The following GPN1 variants were observed in gnomAD, a reference collection of about 807,000 sequenced individuals.
GPN1 encodes the protein GPN-loop GTPase 1.
A neutral mutation model predicts 55.9 loss-of-function variants in GPN1; 44 were observed. The ratio of observed to expected loss-of-function variants is 0.79; its 90% CI spans 0.62 to 1.01. The LOEUF is 1.01. Among genes scored for constraint, GPN1 ranks in the 50% least tolerant of loss-of-function variants. The pLI, the probability that GPN1 is intolerant of heterozygous loss-of-function variation, is 0.00. For missense variants in GPN1, 466 were observed against 462.8 expected, an observed-to-expected ratio of 1.01 and a Z score of -0.06; for synonymous variants, 179 against 162.5, an observed-to-expected ratio of 1.10 and a Z score of -0.77.
intron 5 of GPN1, among the ~76,000 whole-genome samples, 181 bp from the exon 6 acceptor site, chr2:27,634,665 C>A (rs1039362691): frequency 6.6e-6 from 1 of 152,206 alleles, no homozygotes; most frequent in African/African-American, 2.4e-5. Context: ...GAATATTGGT[C>A]ATTGAACAAA....
rs1018001952 is a variant in GPN1 at position 27,647,785 on chromosome 2, C to A, written c.932-51C>A. On this transcript the variant is annotated intron_variant, in intron 12 of 13. Transcript: ENST00000610189. ...TTATGATCATAGTTACTTAGTGATT[C>A]AAGATCACCTTTTTGAGGAGGCATA... The A allele has an allele frequency of 2.1e-5, 22 of 1,063,238 alleles. No homozygotes were observed. In the Admixed American group the frequency reaches 3.0e-4, roughly 14 times the overall value. 65.9% of individuals were successfully genotyped at this position (1,063,238 alleles called of 1,614,324 possible).
At chr2:27,638,320 G>C in intron 8 of GPN1, 65 bp downstream of exon 8, 5 of 895,194 alleles carry the variant, frequency 5.6e-6, no homozygotes, top group Non-Finnish European at 7.5e-6. Context: ...AGAAGGTTTA[G>C]GTGGGTGAGA....
Position 27,649,220 on chromosome 2 carries a change from C to T in GPN1, c.1040-895C>T, listed in dbSNP as rs78231588. ...AGAGCTCACCATTGCACTCAGGCCT[C>T]GGTAACAAGAGTGAAACTTGATCTC... On this transcript the variant is annotated intron_variant, in intron 13 of 13. Transcript: ENST00000610189. Among the ~76,000 whole-genome samples the T allele has an allele frequency of 8.9e-3, 1,349 of 150,804 alleles. 19 individuals are homozygous for T. Among genetic ancestry groups the T allele is most frequent in the African/African-American group, 0.03 (1,240 of 41,196 alleles).
At chr2:27,644,046 C>T (rs1360741044) in intron 12 of GPN1, among the ~76,000 whole-genome samples, 4 of 152,052 alleles carry the variant, frequency 2.6e-5, no homozygotes, top group Non-Finnish European at 5.9e-5. Context: ...TGGGCGTGGT[C>T]GTGCATGTCT....
intron 9 of GPN1, among the ~76,000 whole-genome samples, chr2:27,639,326 A>T (rs1673852720): frequency 6.6e-6 from 1 of 152,204 alleles, no homozygotes; most frequent in Non-Finnish European, 1.5e-5. Context: ...GAGGCGGCAG[A>T]TCAAAATGAC....
chr2:27,647,724 G>A lies in GPN1; in HGVS notation c.932-112G>A, dbSNP rs112502911. On this transcript the variant is annotated intron_variant, in intron 12 of 13. Coordinates refer to ENST00000610189, the MANE Select transcript of GPN1 (RefSeq NM_007266.4). ...ACATTTAGAAGAGGTAAGATCCTGC[G>A]TTTATATGTATCATGAGCACTTTCA... 6.9e-4 allele frequency: 457 copies of A among 659,892 alleles called. 1 individual carries two copies. The highest frequency in any genetic ancestry group is 6.8e-3 in the African/African-American group (382 of 56,012). 40.9% of individuals were successfully genotyped at this position (659,892 alleles called of 1,614,324 possible).
At position 27,634,832 on chromosome 2, in the gene GPN1, C is replaced by G. The variant is rs566231112; in HGVS notation, c.351-14C>G. On this transcript the variant is annotated splice_polypyrimidine_tract_variant and intron_variant, in intron 5 of 13. Coordinates refer to ENST00000610189, the MANE Select transcript of GPN1 (RefSeq NM_007266.4). ...ACAAATGTAACACTTCTTTAATGAT[C>G]TTTCTTGACATAGATATGTGTTGAT... 1 of 1,427,064 alleles carries G rather than the reference C, an allele frequency of 7.0e-7. No individual in the cohort carries two copies. The highest frequency in any genetic ancestry group is 1.4e-5 in the African/African-American group (1 of 71,446). The allele number at this position is 1,427,064 out of a possible 1,614,324, so 88.4% of individuals were successfully genotyped here. A position where few individuals can be genotyped will look rare whatever the true frequency, so the allele number is the denominator to read the frequency against.
intron 8 of GPN1, 48 bp downstream of exon 8, chr2:27,638,303 TGTGG>T: frequency 9.2e-7 from 1 of 1,091,494 alleles, no homozygotes; most frequent in Non-Finnish European, 1.4e-6. Flanking sequence ...ATCAGAACCT[TGTGG>T]TTAGAAGGTT....
At chr2:27,642,958 T>TATACACACACAC (rs10643705) in intron 12 of GPN1, among the ~76,000 whole-genome samples, 2,127 of 122,604 alleles carry the variant, frequency 0.017, 37 homozygotes, top group East Asian at 0.065. Flanking sequence ...TATATATATA[T>TATACACACACAC]ACACACACAC....
intron 1 of GPN1, 66 bp downstream of exon 1, chr2:27,629,235 G>A: frequency 6.8e-7 from 1 of 1,479,666 alleles, no homozygotes; most frequent in Non-Finnish European, 9.2e-7. Context: ...CGGAAGGCCA[G>A]GAAGAAAGGG....
chr2:27,631,669 G>C, intron 3 of GPN1, 165 bp from the exon 4 acceptor site: 1 of 623,796 alleles, frequency 1.6e-6, no homozygotes, highest in Non-Finnish European at 2.9e-6. Flanking sequence ...CCTTGATAAT[G>C]ACTGTTTCCC....
chr2:27,644,087 GTC>G (rs1187245494), intron 12 of GPN1, among the ~76,000 whole-genome samples: 1 of 152,134 alleles, frequency 6.6e-6, no homozygotes, highest in Admixed American at 6.5e-5. Context: ...AGGCTGGAGA[GTC>G]TCTTGAACCC....
chr2:27,630,847 G>C (rs183276408), intron 2 of GPN1, among the ~76,000 whole-genome samples, 180 bp from the exon 3 acceptor site: 2 of 152,232 alleles, frequency 1.3e-5, no homozygotes, highest in African/African-American at 2.4e-5. Context: ...AGAGCTCCTA[G>C]CCCTAACATT....
At chr2:27,649,997 G>A (rs1159483795) in intron 13 of GPN1, 118 bp from the exon 14 acceptor site, 3 of 621,354 alleles carry the variant, frequency 4.8e-6, no homozygotes, top group Non-Finnish European at 8.8e-6. Context: ...CTTTTTGAGG[G>A]AAGTGAGTAC....
intron 12 of GPN1, among the ~76,000 whole-genome samples, chr2:27,646,901 T>C (rs943505692): frequency 6.6e-6 from 1 of 152,196 alleles, no homozygotes; most frequent in African/African-American, 2.4e-5. Flanking sequence ...GCAAAATACA[T>C]TTCTATGTGC....
At chr2:27,647,584 G>A (rs1273129512) in intron 12 of GPN1, among the ~76,000 whole-genome samples, 1 of 152,144 alleles carries the variant, frequency 6.6e-6, no homozygotes, top group Non-Finnish European at 1.5e-5. Context: ...AGTAAGACAA[G>A]CTTCTTGAAA....
intron 5 of GPN1, among the ~76,000 whole-genome samples, chr2:27,634,057 A>T (rs1316434403): frequency 6.6e-6 from 1 of 151,904 alleles, no homozygotes; most frequent in Non-Finnish European, 1.5e-5. Flanking sequence ...AACCTTGCCA[A>T]CTTTTGTTAT....
At chr2:27,630,957 A>G in intron 2 of GPN1, 70 bp from the exon 3 acceptor site, 1 of 765,946 alleles carries the variant, frequency 1.3e-6, no homozygotes, top group Non-Finnish European at 2.4e-6. Flanking sequence ...CTAGAAGGCC[A>G]GTTTTACTTT....
At chr2:27,635,300 C>CTTTTTTTT (rs57185039) in intron 7 of GPN1, 66 bp downstream of exon 7, 60,406 of 496,456 alleles carry the variant, frequency 0.12, 2,934 homozygotes, top group East Asian at 0.21. Flanking sequence ...TCTTCTTCCT[C>CTTTTTTTT]TTTTTTTTTT....
Sources: allele counts gnomAD v4.1 joint callset (sites outside exome capture counted in the v4.1 genomes callset), GRCh38; gene constraint gnomAD v4.1.1; transcripts MANE v1.5; gene names NCBI Gene and HGNC (gene_info 2026-07-23, HGNC 2026-07-21).